MAPRE2: variants seen among roughly 807,000 people sequenced by gnomAD.
MAPRE2 encodes microtubule-associated protein RP/EB family member 2.
Under a neutral mutation model 43.2 loss-of-function variants are expected in MAPRE2, and 13 were observed. The observed-to-expected ratio is 0.30, with a 90% confidence interval of 0.20 to 0.48. MAPRE2 has a LOEUF of 0.48. Ranked by LOEUF, MAPRE2 falls within the 20% of genes least tolerant of loss-of-function variation. The pLI, the probability that MAPRE2 is intolerant of heterozygous loss-of-function variation, is 0.99. For synonymous variants in MAPRE2, 135 were observed against 148.8 expected (o/e 0.91, Z 0.68); for missense variants, 161 against 400.2 (o/e 0.40, Z 5.10).
intron 1 of MAPRE2, among the ~76,000 whole-genome samples, chr18:35,056,926 G>T (rs1026580613): frequency 1.2e-4 from 18 of 152,294 alleles, no homozygotes; most frequent in Non-Finnish European, 1.2e-4. Flanking sequence ...AGAATCTAAA[G>T]AGGAGACTGC....
At chr18:34,986,289 T>C (rs763457561) in intron 1 of MAPRE2, among the ~76,000 whole-genome samples, 1 of 152,158 alleles carries the variant, frequency 6.6e-6, no homozygotes, top group Non-Finnish European at 1.5e-5. Context: ...GTTCCTTCCT[T>C]CTTTCAAAGA....
chr18:35,001,281 G>T (rs1046299601), intron 1 of MAPRE2, among the ~76,000 whole-genome samples: 8 of 152,174 alleles, frequency 5.3e-5, no homozygotes, highest in African/African-American at 1.9e-4. Flanking sequence ...GGAGGCCGAG[G>T]CAGGCAGCCT....
At chr18:35,102,683 T>C (rs1908735212) in intron 4 of MAPRE2, among the ~76,000 whole-genome samples, 1 of 152,164 alleles carries the variant, frequency 6.6e-6, no homozygotes, top group Non-Finnish European at 1.5e-5. Context: ...TGTCCAAAAG[T>C]GAAGTCGTTG....
At chr18:35,025,753 T>C (rs902817734) in intron 2 of MAPRE2, among the ~76,000 whole-genome samples, 1 of 152,256 alleles carries the variant, frequency 6.6e-6, no homozygotes, top group Non-Finnish European at 1.5e-5. Flanking sequence ...TCCAGTGGAA[T>C]AATCAGATGT....
intron 1 of MAPRE2, among the ~76,000 whole-genome samples, chr18:34,980,443 A>G (rs1001716710): frequency 6.6e-6 from 1 of 151,752 alleles, no homozygotes; most frequent in African/African-American, 2.4e-5. Flanking sequence ...TTGGTATTCT[A>G]TTTTCTCATA....
At chr18:35,044,867 T>A (rs189325864) in intron 1 of MAPRE2, among the ~76,000 whole-genome samples, 6 of 152,308 alleles carry the variant, frequency 3.9e-5, no homozygotes, top group Admixed American at 2.6e-4. Context: ...GTATGTCAAA[T>A]TTGGTTCCTG....
chr18:35,035,261 G>A (rs540057105), intron 2 of MAPRE2, among the ~76,000 whole-genome samples: 6 of 149,148 alleles, frequency 4.0e-5, no homozygotes, highest in Admixed American at 3.4e-4. Flanking sequence ...CTATTGCAAG[G>A]ACAAAAAACC....
In MAPRE2 at chr18:35,126,982, A is replaced by G. The variant is rs202179419; in HGVS notation, c.645A>G (p.Gly215=). 5 of 1,614,146 alleles carry G rather than the reference A, an allele frequency of 3.1e-6. No homozygotes were observed. The highest frequency in any genetic ancestry group is 4.2e-6 in the Non-Finnish European group (5 of 1,180,010). Residue 215 remains glycine (G), a synonymous_variant, in exon 5 of 7, where the codon GGA becomes GGG. Transcript: ENST00000300249. The part of the protein sequence containing the change: ...AAKSSPAAKP[G]STPSRPSSAK... ...AATCAAGTCCAGCAGCTAAACCAGG[A>G]TCCACACCTTCTCGACCCTCATCAG...
chr18:35,003,095 A>G (rs1223731929), intron 1 of MAPRE2, among the ~76,000 whole-genome samples: 1 of 152,166 alleles, frequency 6.6e-6, no homozygotes, highest in African/African-American at 2.4e-5. Flanking sequence ...CTTGCAGACA[A>G]TGAGAGCTCT....
intron 1 of MAPRE2, among the ~76,000 whole-genome samples, chr18:35,053,481 A>G (rs1204840539): frequency 6.6e-6 from 1 of 152,158 alleles, no homozygotes; most frequent in Non-Finnish European, 1.5e-5. Flanking sequence ...TAGCTGAGAA[A>G]AAAAAAACAC....
chr18:34,978,500 T>C, intron 1 of MAPRE2: 1 of 1,551,482 alleles, frequency 6.4e-7, no homozygotes, highest in Non-Finnish European at 8.7e-7. Flanking sequence ...ACACTTTTGC[T>C]GAATAGGACA....
chr18:34,978,468 C>G, intron 1 of MAPRE2: 1 of 1,537,922 alleles, frequency 6.5e-7, no homozygotes, highest in South Asian at 1.2e-5. Flanking sequence ...GCACCTACTT[C>G]TAATCTGAGG....
At chr18:35,069,314 TTATAA>T (rs1906990931) in intron 1 of MAPRE2, among the ~76,000 whole-genome samples, 1 of 152,352 alleles carries the variant, frequency 6.6e-6, no homozygotes, top group Admixed American at 6.5e-5. Flanking sequence ...TAAATTTGTA[TTATAA>T]TATATTGAAA....
At chr18:35,095,029 G>A (rs1008286065) in intron 2 of MAPRE2, among the ~76,000 whole-genome samples, 2 of 152,034 alleles carry the variant, frequency 1.3e-5, no homozygotes, top group Non-Finnish European at 2.9e-5. Context: ...AAATCCTGGA[G>A]CCAAAAATGA....
intron 4 of MAPRE2, among the ~76,000 whole-genome samples, chr18:35,124,095 A>G (rs1373437360): frequency 6.6e-6 from 1 of 152,202 alleles, no homozygotes; most frequent in Non-Finnish European, 1.5e-5. Context: ...TTACAGTGCC[A>G]TAAAGAACTG....
At chr18:35,099,480 T>C (rs1908576812) in intron 3 of MAPRE2, among the ~76,000 whole-genome samples, 1 of 152,050 alleles carries the variant, frequency 6.6e-6, no homozygotes, top group Non-Finnish European at 1.5e-5. Flanking sequence ...CCAGGTGCAG[T>C]GGCACATACG....
chr18:35,138,367 G>A (rs1438144497), intron 6 of MAPRE2, among the ~76,000 whole-genome samples: 2 of 152,176 alleles, frequency 1.3e-5, no homozygotes, highest in Non-Finnish European at 2.9e-5. Context: ...CTAGTTCTAG[G>A]TGGTGAACAC....
At chr18:35,062,600 C>T (rs754389553) in intron 1 of MAPRE2, among the ~76,000 whole-genome samples, 1 of 152,168 alleles carries the variant, frequency 6.6e-6, no homozygotes, top group Non-Finnish European at 1.5e-5. Flanking sequence ...TGACCTGGAC[C>T]GAGCGAAAGT....
chr18:35,062,041 G>GTTCA (rs1320046408), intron 1 of MAPRE2, among the ~76,000 whole-genome samples: 2 of 152,178 alleles, frequency 1.3e-5, no homozygotes, highest in African/African-American at 4.8e-5. Flanking sequence ...TGGAAGCCCA[G>GTTCA]TTCATTATTA....
Sources: allele counts gnomAD v4.1 joint callset (sites outside exome capture counted in the v4.1 genomes callset), GRCh38; gene constraint gnomAD v4.1.1; transcripts MANE v1.5; gene names NCBI Gene and HGNC (gene_info 2026-07-23, HGNC 2026-07-21).